The following TUBB8 variants were observed in gnomAD, a reference collection of about 807,000 sequenced individuals.
TUBB8 encodes tubulin beta 8 class VIII.
Under a neutral mutation model 33.7 loss-of-function variants are expected in TUBB8, and 25 were observed. That is an observed-to-expected ratio of 0.74 (90% CI 0.54 to 1.04). TUBB8 has a LOEUF of 1.04. TUBB8 is among the 50% of genes least tolerant of loss of function. The pLI is 0.00. For missense variants in TUBB8, 279 were observed against 608.0 expected (o/e 0.46, Z 5.69); for synonymous variants, 245 against 240.1 (o/e 1.02, Z -0.19).
chr10:48,649 G>A lies in TUBB8; in HGVS notation c.243C>T (p.Phe81=), dbSNP rs782384848. 3.3e-5 allele frequency: 53 copies of A among 1,612,092 alleles called. No individual in the cohort carries two copies. The highest frequency in any genetic ancestry group is 7.7e-5 in the South Asian group (7 of 91,002). ...AGTTGTCTGGCCTGAAGACCTGCCCGAAGGGCCCCGAGCGCACAGAGTCCA... is the reference window on the plus strand; with the variant it reads ...AGTTGTCTGGCCTGAAGACCTGCCCAAAGGGCCCCGAGCGCACAGAGTCCA... The part of the protein sequence containing the change: ...GTMDSVRSGP[F]GQVFRPDNFI... Residue 81 remains phenylalanine (F), a synonymous_variant, in exon 3 of 4, where the codon TTC becomes TTT. Transcript: ENST00000568584.
intron 1 of TUBB8, among the ~76,000 whole-genome samples, chr10:71,511 C>T (rs1834735975): frequency 6.6e-6 from 1 of 151,886 alleles, no homozygotes; most frequent in Non-Finnish European, 1.5e-5. Context: ...ATCCCAGCTA[C>T]TTGGGAGGCT....
chr10:71,118 C>G (rs1554742245), intron 1 of TUBB8, among the ~76,000 whole-genome samples: 1 of 151,844 alleles, frequency 6.6e-6, no homozygotes, highest in African/African-American at 2.4e-5. Context: ...TTGAGACCAG[C>G]CTTGCCAGCA....
chr10:60,619 C>T (rs1418465434), intron 1 of TUBB8, among the ~76,000 whole-genome samples: 4 of 152,164 alleles, frequency 2.6e-5, no homozygotes, highest in Admixed American at 6.5e-5. Context: ...CACTTTTACA[C>T]TGTTGGTGGG....
upstream of TUBB8, among the ~76,000 whole-genome samples, chr10:53,751 A>G (rs1187440906): frequency 1.3e-5 from 2 of 152,290 alleles, no homozygotes; most frequent in Admixed American, 6.5e-5. Context: ...TTCCACTTAT[A>G]AACTAAAAAT....
intron 1 of TUBB8, among the ~76,000 whole-genome samples, chr10:69,988 G>T (rs1197843872): frequency 6.6e-6 from 1 of 152,130 alleles, no homozygotes; most frequent in Non-Finnish European, 1.5e-5. Context: ...AAAGCTTTGT[G>T]AAATAAATTT....
chr10:54,434 T>C (rs1380243451), intron 1 of TUBB8, among the ~76,000 whole-genome samples: 2 of 151,504 alleles, frequency 1.3e-5, no homozygotes, highest in African/African-American at 4.9e-5. Context: ...CTCTATCCAG[T>C]CATCTGTTGA....
At chr10:72,490 G>T (rs1231512224) in intron 1 of TUBB8, among the ~76,000 whole-genome samples, 2 of 152,056 alleles carry the variant, frequency 1.3e-5, no homozygotes, top group Non-Finnish European at 2.9e-5. Flanking sequence ...CCCAGGAGGT[G>T]GAGGTTGCAG....
upstream of TUBB8, among the ~76,000 whole-genome samples, chr10:53,627 T>C (rs1159573438): frequency 2.0e-5 from 3 of 152,234 alleles, no homozygotes; most frequent in Admixed American, 6.5e-5. Flanking sequence ...TTTTGAAATG[T>C]GGTGTTATTC....
chr10:69,243 G>C (rs1834707817), intron 1 of TUBB8, among the ~76,000 whole-genome samples: 2 of 152,146 alleles, frequency 1.3e-5, no homozygotes, highest in Admixed American at 1.3e-4. Flanking sequence ...CCTTTCCAAG[G>C]CATTCAACCC....
intron 1 of TUBB8, among the ~76,000 whole-genome samples, chr10:55,571 C>T (rs1400539541): frequency 6.6e-6 from 1 of 152,180 alleles, no homozygotes; most frequent in East Asian, 1.9e-4. Context: ...TCAAACCATG[C>T]CCTAAAGGGT....
chr10:48,949 G>C, intron 1 of TUBB8, 37 bp from the exon 2 acceptor site: 1 of 1,405,368 alleles, frequency 7.1e-7, no homozygotes, highest in Non-Finnish European at 9.7e-7. Context: ...GGCCGGGGCT[G>C]AGTCAGGGAG....
At position 58,093 on chromosome 10, in the gene TUBB8, T is replaced by C. The variant is rs1323260520; in HGVS notation, c.-845-7860A>G. Among the ~76,000 whole-genome samples, 3 of 152,234 alleles carry C rather than the reference T, an allele frequency of 2.0e-5. No individual in the cohort carries two copies. In the South Asian group the frequency reaches 6.2e-4, roughly 31 times the overall value. On this transcript the variant is annotated intron_variant, in intron 1 of 3. Transcript: ENST00000564130. ...AAACCCTAAATCATCACTTTCAAAT[T>C]CAAACTTTTATATATCCCTAGGGCA...
chr10:67,769 A>G (rs1250089974), intron 1 of TUBB8, among the ~76,000 whole-genome samples: 1 of 152,132 alleles, frequency 6.6e-6, no homozygotes, highest in Non-Finnish European at 1.5e-5. Flanking sequence ...TCCAAATAAT[A>G]TTATTACTGT....
intron 1 of TUBB8, among the ~76,000 whole-genome samples, chr10:55,680 G>A (rs1448758344): frequency 1.3e-5 from 2 of 152,210 alleles, no homozygotes; most frequent in East Asian, 1.9e-4. Flanking sequence ...AAGAAATAGG[G>A]TTCCAGTTTC....
At position 47,914 on chromosome 10, in the gene TUBB8, G is replaced by A; in HGVS notation, c.478C>T (p.Pro160Ser). ...CTGAATGTGTTTATGATCCTGTCTGGGTACTCCTCCCGGATCTTACTGAGC... is the reference window on the plus strand; with the variant it reads ...CTGAATGTGTTTATGATCCTGTCTGAGTACTCCTCCCGGATCTTACTGAGC... ...LLLSKIREEY[P>S]DRIINTFSIL... The change falls in exon 4 of 4, where the codon CCA (proline) becomes TCA (serine). Residue 160 changes from proline to serine, a missense_variant. By Grantham distance (74) the Pro-to-Ser change is moderately conservative (BLOSUM62 -1). Transcript: ENST00000568584. 1 of 1,614,174 alleles carries A rather than the reference G, an allele frequency of 6.2e-7. No individual in the cohort carries two copies. Among genetic ancestry groups the A allele is most frequent in the Non-Finnish European group, 8.5e-7 (1 of 1,180,050 alleles).
intron 1 of TUBB8, among the ~76,000 whole-genome samples, chr10:67,300 T>G (rs1412427995): frequency 6.6e-6 from 1 of 152,260 alleles, no homozygotes; most frequent in Non-Finnish European, 1.5e-5. Context: ...TGTGTAGTAC[T>G]GCCACCTTAA....
intron 1 of TUBB8, among the ~76,000 whole-genome samples, chr10:67,085 T>C (rs1269478044): frequency 6.6e-6 from 1 of 152,224 alleles, no homozygotes; most frequent in East Asian, 1.9e-4. Context: ...TTGATTTTAT[T>C]ACTGTTGCTT....
intron 1 of TUBB8, among the ~76,000 whole-genome samples, chr10:69,803 G>A (rs3866489): frequency 0.21 from 31,213 of 151,528 alleles, 3,220 homozygotes; most frequent in Non-Finnish European, 0.27. Context: ...AGGCTGAAGC[G>A]GGAGGATGGC....
Position 47,042 on chromosome 10 carries a change from T to C in TUBB8, c.*15A>G, listed in dbSNP as rs782171385. On this transcript the variant is annotated 3_prime_UTR_variant, in exon 4 of 4. Transcript: ENST00000568584. Reference sequence around the variant, plus strand: ...ATCCACACTGCTTCCCCCCTTTACCTAGAAAAGGAGAGTTCTAGGCCACCT... The same window carrying C: ...ATCCACACTGCTTCCCCCCTTTACCCAGAAAAGGAGAGTTCTAGGCCACCT... The C allele has an allele frequency of 2.4e-6, 2 of 834,770 alleles. No individual in the cohort carries two copies. The highest frequency in any genetic ancestry group is 3.5e-5 in the African/African-American group (2 of 57,406). The allele number at this position is 834,770 out of a possible 1,614,324, so 51.7% of individuals were successfully genotyped here.
Sources: allele counts gnomAD v4.1 joint callset (sites outside exome capture counted in the v4.1 genomes callset), GRCh38; gene constraint gnomAD v4.1.1; transcripts MANE v1.5; gene names NCBI Gene and HGNC (gene_info 2026-07-23, HGNC 2026-07-21).